The following CARD10 variants were observed in gnomAD, a reference collection of about 807,000 sequenced individuals.
CARD10 encodes caspase recruitment domain family member 10.
Under a neutral mutation model 114.6 loss-of-function variants are expected in CARD10, and 49 were observed. The ratio of observed to expected loss-of-function variants is 0.43; its 90% CI spans 0.34 to 0.54. CARD10 has a LOEUF of 0.54. Ranked by LOEUF, CARD10 falls within the 20% of genes least tolerant of loss-of-function variation. The probability of loss-of-function intolerance (pLI) is 0.03; values close to 1 mark genes in which losing one functional copy is unlikely to be tolerated. For missense variants in CARD10, 1,206 were observed against 1,397.2 expected (o/e 0.86, Z 2.18); for synonymous variants, 602 against 593.2 (o/e 1.01, Z -0.21).
chr22:37,495,845 T>C lies in CARD10; in HGVS notation c.2218A>G (p.Lys740Glu), dbSNP rs1601808897. ...GTGCAGAACCATTCCTGCCTCCGCT[T>C]GTATGCCGAGTCCACCAGTCGAAGG... ...EILRLVDSAY[K>E]RRQEWFCTRV... Residue 740 changes from lysine (K) to glutamate (E), a missense_variant, in exon 14 of 20, where the codon AAG (lysine) becomes GAG (glutamate). This residue lies in a region of CARD10 where 1,068 missense variants were observed against 1,179.1 expected (regional missense o/e 0.91). Coordinates refer to ENST00000251973, the MANE Select transcript of CARD10 (RefSeq NM_014550.4). The C allele has an allele frequency of 1.2e-6, 2 of 1,614,102 alleles. No homozygotes were observed. Among genetic ancestry groups the C allele is most frequent in the Non-Finnish European group, 1.7e-6 (2 of 1,180,034 alleles).
intron 1 of CARD10, among the ~76,000 whole-genome samples, chr22:37,518,753 C>T (rs895681073): frequency 1.3e-5 from 2 of 152,254 alleles, no homozygotes; most frequent in African/African-American, 2.4e-5. Flanking sequence ...AGAGACAAAA[C>T]TCTGACCCCG....
At chr22:37,518,553 C>T (rs1923918361) in intron 1 of CARD10, among the ~76,000 whole-genome samples, 1 of 152,200 alleles carries the variant, frequency 6.6e-6, no homozygotes, top group Non-Finnish European at 1.5e-5. Context: ...GATCTTGACA[C>T]TTGAAAAAGG....
intron 9 of CARD10, among the ~76,000 whole-genome samples, chr22:37,503,675 G>C (rs1471911761): frequency 6.6e-6 from 1 of 152,148 alleles, no homozygotes; most frequent in Non-Finnish European, 1.5e-5. Context: ...CCTCTCACCA[G>C]TAAAGGAATA....
chr22:37,518,141 T>C (rs1457517013), intron 1 of CARD10, 33 bp from the exon 2 acceptor site: 2 of 1,601,824 alleles, frequency 1.2e-6, no homozygotes, highest in Non-Finnish European at 8.5e-7. Context: ...ACCCAGGGTC[T>C]AGGGGAAGGC....
intron 11 of CARD10, among the ~76,000 whole-genome samples, chr22:37,499,685 G>A (rs952507008): frequency 7.9e-5 from 12 of 152,002 alleles, no homozygotes; most frequent in South Asian, 2.1e-4. Flanking sequence ...CTCCTCAAAG[G>A]ACCAGTGACT....
At position 37,508,019 on chromosome 22, in the gene CARD10, G is replaced by A. The variant is rs1923474378; in HGVS notation, c.1066-65C>T. ...GGACCATGAGAAAGCTAACCAGCAGGTGCCCAGGAGGGCCAGTGAGAGACG... is the reference window on the plus strand; with the variant it reads ...GGACCATGAGAAAGCTAACCAGCAGATGCCCAGGAGGGCCAGTGAGAGACG... On this transcript the variant is annotated intron_variant, in intron 5 of 19. Transcript: ENST00000251973. 8 of 1,595,836 alleles carry A rather than the reference G, an allele frequency of 5.0e-6. No homozygotes were observed. In the Admixed American group the frequency reaches 5.0e-5, roughly 10 times the overall value.
intron 6 of CARD10, among the ~76,000 whole-genome samples, chr22:37,507,390 C>T (rs555792137): frequency 1.2e-3 from 187 of 152,332 alleles, no homozygotes; most frequent in South Asian, 9.1e-3. Flanking sequence ...CAAGGAGGCT[C>T]GGGGGCCTGG....
rs897620238 is a variant in CARD10 at position 37,501,958 on chromosome 22, C to G, written c.1787+644G>C. Among the ~76,000 whole-genome samples, 1 of 152,254 alleles carries G rather than the reference C, an allele frequency of 6.6e-6. No homozygotes were observed. The highest frequency in any genetic ancestry group is 2.4e-5 in the African/African-American group (1 of 41,464). On this transcript the variant is annotated intron_variant, in intron 11 of 19. Coordinates refer to ENST00000251973, the MANE Select transcript of CARD10 (RefSeq NM_014550.4). This position sits in a 1 kb window ranked among gnomAD's most constrained non-coding sequence, Gnocchi z 5.4. ...GGATGCTCTCCCTACCTGCCCTCTC[C>G]TCACAGCTGAGTTCCAAGACCACAA...
At chr22:37,497,463 G>A (rs754243516) in intron 11 of CARD10, among the ~76,000 whole-genome samples, 8 of 152,148 alleles carry the variant, frequency 5.3e-5, no homozygotes, top group South Asian at 2.1e-4. Context: ...CGGCCCTTTC[G>A]TTTCCTCCAT....
At chr22:37,505,535 G>A (rs1416577759) in intron 7 of CARD10, among the ~76,000 whole-genome samples, 3 of 151,774 alleles carry the variant, frequency 2.0e-5, no homozygotes, top group Non-Finnish European at 4.4e-5. Context: ...ACTTAGCTGG[G>A]TATGGTGGCA....
rs369291299 is a variant in CARD10, at chr22:37,517,404, G to C, written c.373+567C>G. On this transcript the variant is annotated intron_variant, in intron 2 of 19. Coordinates refer to ENST00000251973, the MANE Select transcript of CARD10 (RefSeq NM_014550.4). The stretch of plus-strand genomic sequence containing the variant: ...TGTAATCCCAGCACTCTGGGAGGCC[G>C]AGGCAGGCGGATCACAAGGTCAGGA... Among the ~76,000 whole-genome samples the C allele has an allele frequency of 1.2e-3, 181 of 152,316 alleles. 1 individual carries two copies. Among genetic ancestry groups the C allele is most frequent in the Non-Finnish European group, 2.2e-3 (148 of 68,022 alleles).
At position 37,491,041 on chromosome 22, in the gene CARD10, G is replaced by C; in HGVS notation, c.*118C>G. ...CTTGGGGGTGAGAGGCCAGAGCCAAGGGCCCTGCATCTGAGAGTCCAAGGG... is the reference window on the plus strand; with the variant it reads ...CTTGGGGGTGAGAGGCCAGAGCCAACGGCCCTGCATCTGAGAGTCCAAGGG... On this transcript the variant is annotated 3_prime_UTR_variant, in exon 20 of 20. Transcript: ENST00000251973. 1.2e-6 allele frequency: 1 copy of C among 811,280 alleles called. No individual in the cohort carries two copies. The highest frequency in any genetic ancestry group is 1.9e-6 in the Non-Finnish European group (1 of 514,894). 50.3% of individuals were successfully genotyped at this position (811,280 alleles called of 1,614,324 possible).
chr22:37,492,514 G>A lies in CARD10; in HGVS notation c.2672C>T (p.Ala891Val), dbSNP rs762072571. ...LSGEELCPSS[A>V]PGAPKAQPAT... Reference sequence around the variant, plus strand: ...AGGCTGAGCCTTGGGGGCTCCAGGCGCTGAGGATGGGCACAGTTCCTCCCC... The same window carrying A: ...AGGCTGAGCCTTGGGGGCTCCAGGCACTGAGGATGGGCACAGTTCCTCCCC... Residue 891 changes from alanine (A) to valine (V), a missense_variant, in exon 18 of 20, where the codon GCG (alanine) becomes GTG (valine). Around this residue, in one of 2 missense-constraint regions of CARD10, gnomAD observed 1,068 missense variants for 1,179.1 expected, o/e 0.91. Transcript: ENST00000251973. The surrounding 1 kb of genome is among the most constrained non-coding windows in gnomAD (Gnocchi z 5.7). The A allele has an allele frequency of 2.4e-5, 38 of 1,604,092 alleles. No individual in the cohort carries two copies. Among genetic ancestry groups the A allele is most frequent in the Non-Finnish European group, 3.2e-5 (37 of 1,174,044 alleles).
chr22:37,492,481 G>A lies in CARD10; in HGVS notation c.2705C>T (p.Pro902Leu), dbSNP rs188225081. ...PGAPKAQPAT[P>L]GLGSRIRAIQ... is the part of the protein sequence containing the mutation. Reference sequence around the variant, plus strand: ...GGCCCGGATCCTGCTGCCTAGCCCAGGGGTGGCAGGCTGAGCCTTGGGGGC... The same window carrying A: ...GGCCCGGATCCTGCTGCCTAGCCCAAGGGTGGCAGGCTGAGCCTTGGGGGC... Residue 902 changes from proline (P) to leucine (L), a missense_variant, in exon 18 of 20, where the codon CCT (proline) becomes CTT (leucine). Coordinates refer to ENST00000251973, the MANE Select transcript of CARD10 (RefSeq NM_014550.4). This position sits in a 1 kb window ranked among gnomAD's most constrained non-coding sequence, Gnocchi z 5.7. 84 of 1,602,244 alleles carry A rather than the reference G, an allele frequency of 5.2e-5. No homozygotes were observed. The East Asian group carries it at 1.7e-3, about 33-fold the overall frequency.
Position 37,518,087 on chromosome 22 carries a change from C to T in CARD10, c.257G>A (p.Arg86His). 1 of 1,613,848 alleles carries T rather than the reference C, an allele frequency of 6.2e-7. No individual in the cohort carries two copies. The highest frequency in any genetic ancestry group is 1.3e-5 in the African/African-American group (1 of 75,032). The change falls in exon 2 of 20, where the codon CGC becomes CAC. Residue 86 changes from arginine (R) to histidine (H), a missense_variant. This residue lies in a region of CARD10 where 138 missense variants were observed against 218.0 expected (regional missense o/e 0.63). Coordinates refer to ENST00000251973, the MANE Select transcript of CARD10 (RefSeq NM_014550.4). ...NRTGRLMDIL[R>H]CRGKRGYEAF... is the part of the protein sequence containing the mutation. ...CTCATAGCCCCTCTTGCCACGGCAG[C>T]GCAAGATGTCCATCAGGCGCCCTAC... is the stretch of plus-strand genomic sequence containing the variant.
chr22:37,503,106 T>G, intron 10 of CARD10, 79 bp downstream of exon 10: 1 of 1,437,298 alleles, frequency 7.0e-7, no homozygotes, highest in Non-Finnish European at 9.7e-7. Context: ...GTAGCGCAGG[T>G]GGTGCAGGCT....
chr22:37,516,042 G>A lies in CARD10; in HGVS notation c.630C>T (p.Ala210=), dbSNP rs766315005. 5 of 1,602,690 alleles carry A rather than the reference G, an allele frequency of 3.1e-6. No homozygotes were observed. The highest frequency in any genetic ancestry group is 8.5e-7 in the Non-Finnish European group (1 of 1,175,454). ...CCTCACTGAGCTGTGCCAGGCGCAT[G>A]GCGATCATGTAGTTCTCATCCTTGA... ...LRLKDENYMI[A]MRLAQLSEEK... is the part of the protein sequence containing the mutation. The change falls in exon 3 of 20, where the codon GCC becomes GCT. Residue 210 remains alanine, a synonymous_variant. Coordinates refer to ENST00000251973, the MANE Select transcript of CARD10 (RefSeq NM_014550.4).
At position 37,511,540 on chromosome 22, in the gene CARD10, G is replaced by GA. The variant is rs201819800; in HGVS notation, c.700-1120dup. On this transcript the variant is annotated intron_variant, in intron 3 of 19. Transcript: ENST00000251973. ...GGAAGAAAGAAGAAAGAAAGAAGGAGAAAAAAAAAAAAAACAGGGTCAGAC... is the reference window on the plus strand; with the variant it reads ...GGAAGAAAGAAGAAAGAAAGAAGGAGAAAAAAAAAAAAAAACAGGGTCAGAC... 9.6e-3 allele frequency among the ~76,000 whole-genome samples: 1,092 copies of GA among 114,298 alleles called. 14 individuals carry two copies. The highest frequency in any genetic ancestry group is 0.028 in the African/African-American group (883 of 31,676). The allele number at this position is 114,298 out of a possible 152,430, so 75.0% of individuals were successfully genotyped here.
chr22:37,503,396 G>A (rs927265185), intron 9 of CARD10, among the ~76,000 whole-genome samples, 183 bp from the exon 10 acceptor site: 1 of 152,166 alleles, frequency 6.6e-6, no homozygotes, highest in African/African-American at 2.4e-5. Context: ...AAACTCCCAG[G>A]GTAAGAAGTT....
Sources: gnomAD v4.1 joint callset for allele counts (sites outside exome capture counted in the v4.1 genomes callset) on GRCh38, gnomAD v4.1.1 for gene constraint, gnomAD v4.1.1 regional missense constraint, Gnocchi (gnomAD v3.1) non-coding constraint, MANE v1.5 for transcripts, NCBI Gene and HGNC (gene_info 2026-07-23, HGNC 2026-07-21) for gene names.